The following KIAA1549 variants were observed in gnomAD, a reference collection of about 807,000 sequenced individuals.
KIAA1549 encodes the protein UPF0606 protein KIAA1549.
A neutral mutation model predicts 156.4 loss-of-function variants in KIAA1549; 70 were observed. The ratio of observed to expected loss-of-function variants is 0.45; its 90% CI spans 0.37 to 0.55. The LOEUF is 0.55. KIAA1549 is among the 20% of genes least tolerant of loss of function. The probability of loss-of-function intolerance (pLI) is 0.00; values close to 1 mark genes in which losing one functional copy is unlikely to be tolerated. For synonymous variants in KIAA1549, 1,103 were observed against 1,066.4 expected (o/e 1.03, Z -0.67); for missense variants, 2,428 against 2,540.9 (o/e 0.96, Z 0.96).
intron 6 of KIAA1549, 85 bp downstream of exon 6, chr7:138,906,834 A>G (rs1812017813): frequency 8.7e-7 from 1 of 1,143,948 alleles, no homozygotes; most frequent in African/African-American, 1.6e-5. Flanking sequence ...AGTCTTTTAA[A>G]AAACTAAAAA....
chr7:138,903,836 TGTGTGTGTGTGTGTGTGCGCGC>T (rs1181939853), intron 7 of KIAA1549, 100 bp from the exon 8 acceptor site: 46 of 515,158 alleles, frequency 8.9e-5, no homozygotes, highest in South Asian at 6.1e-4. Context: ...TGTGTGTGTG[TGTGTGTGTGTGTGTGTGCGCGC>T]GCGCGCGCGC....
intron 1 of KIAA1549, among the ~76,000 whole-genome samples, chr7:138,980,809 C>A (rs1814522082): frequency 6.6e-6 from 1 of 152,252 alleles, no homozygotes; most frequent in Admixed American, 6.5e-5. Context: ...ATGAAGCCAC[C>A]AGACCCGCTT....
chr7:138,878,275 G>C (rs1811142772), intron 12 of KIAA1549, among the ~76,000 whole-genome samples: 1 of 151,344 alleles, frequency 6.6e-6, no homozygotes, highest in African/African-American at 2.4e-5. Flanking sequence ...GAGGAGACAA[G>C]GACAGGCTAG....
intron 10 of KIAA1549, among the ~76,000 whole-genome samples, chr7:138,883,195 C>G (rs1443344141): frequency 6.7e-6 from 1 of 148,896 alleles, no homozygotes; most frequent in Non-Finnish European, 1.5e-5. Flanking sequence ...ATCACTTCAA[C>G]CTAGGAGTTG....
At chr7:138,865,331 T>G (rs774099449) in intron 15 of KIAA1549, among the ~76,000 whole-genome samples, 1 of 152,114 alleles carries the variant, frequency 6.6e-6, no homozygotes, top group African/African-American at 2.4e-5. Context: ...ATATTTCTCT[T>G]GGCCTTAGGA....
At position 138,917,627 on chromosome 7, in the gene KIAA1549, C is replaced by G. The variant is rs1298775203; in HGVS notation, c.1999G>C (p.Val667Leu). ...GAGTCAAACAATGTAAATGTCTCAACCAAGGGAGAAAAAGACTGAGATGTG... is the reference window on the plus strand; with the variant it reads ...GAGTCAAACAATGTAAATGTCTCAAGCAAGGGAGAAAAAGACTGAGATGTG... ...PFTSQSFSPL[V>L]ETFTLFDSSD... Residue 667 changes from valine (V) to leucine (L), a missense_variant, in exon 2 of 20, where the codon GTT (valine) becomes CTT (leucine). This residue lies in a region of KIAA1549 where 893 missense variants were observed against 847.9 expected (regional missense o/e 1.05). Transcript: ENST00000422774. 2 of 1,613,688 alleles carry G rather than the reference C, an allele frequency of 1.2e-6. No homozygotes were observed. Among genetic ancestry groups the G allele is most frequent in the Admixed American group, 3.3e-5 (2 of 59,996 alleles).
chr7:138,970,409 C>A (rs1448595465), intron 1 of KIAA1549, among the ~76,000 whole-genome samples: 1 of 152,216 alleles, frequency 6.6e-6, no homozygotes, highest in African/African-American at 2.4e-5. Context: ...ACCAGCTCAG[C>A]TCCGAACCCG....
intron 15 of KIAA1549, among the ~76,000 whole-genome samples, chr7:138,865,610 G>A (rs750175899): frequency 5.3e-5 from 8 of 152,122 alleles, no homozygotes; most frequent in Non-Finnish European, 8.8e-5. Flanking sequence ...TTTAAAAAAG[G>A]AGCCACTGAA....
intron 1 of KIAA1549, among the ~76,000 whole-genome samples, chr7:138,939,337 C>G (rs918894930): frequency 2.0e-5 from 3 of 152,128 alleles, no homozygotes; most frequent in African/African-American, 7.2e-5. Flanking sequence ...TTTTTCACAC[C>G]AGGATCCAAA....
Position 138,892,964 on chromosome 7 carries a change from T to C in KIAA1549, c.4032+1378A>G, listed in dbSNP as rs77829857. ...AGTGCATGTTAATCCAGCAGACTGT[T>C]AGTAACAGTGGACTGACTACCACGT... On this transcript the variant is annotated intron_variant, in intron 10 of 19. Transcript: ENST00000422774. Among the ~76,000 whole-genome samples the C allele has an allele frequency of 6.3e-3, 958 of 152,312 alleles. 10 individuals carry two copies. The highest frequency in any genetic ancestry group is 0.022 in the African/African-American group (922 of 41,574).
At chr7:138,869,816 G>T in intron 13 of KIAA1549, 55 bp from the exon 14 acceptor site, 2 of 1,241,798 alleles carry the variant, frequency 1.6e-6, no homozygotes, top group East Asian at 2.4e-5. Flanking sequence ...GAAGCTTCTG[G>T]GACACACACT....
At chr7:138,916,685 C>T in intron 2 of KIAA1549, 63 bp downstream of exon 2, 1 of 1,584,096 alleles carries the variant, frequency 6.3e-7, no homozygotes, top group Non-Finnish European at 8.6e-7. Flanking sequence ...CTCACAGGCA[C>T]TGCACACAAG....
chr7:138,881,469 T>C lies in KIAA1549; in HGVS notation c.4148A>G (p.Asp1383Gly), dbSNP rs770213038. 6.2e-7 allele frequency: 1 copy of C among 1,614,022 alleles called. No individual in the cohort carries two copies. The highest frequency in any genetic ancestry group is 1.1e-5 in the South Asian group (1 of 91,088). The change falls in exon 11 of 20, where the codon GAC (aspartate) becomes GGC (glycine). Residue 1383 changes from aspartate to glycine, a missense_variant. Coordinates refer to ENST00000422774, the MANE Select transcript of KIAA1549 (RefSeq NM_001164665.2). ...EPAPLPGPLK[D>G]HTTPSENGDV... is the part of the protein sequence containing the mutation. Reference sequence around the variant, plus strand: ...TCCATTTTCCGAGGGCGTGGTGTGGTCCTTCAGAGGTCCTGGCAGTGGCGC... The same window carrying C: ...TCCATTTTCCGAGGGCGTGGTGTGGCCCTTCAGAGGTCCTGGCAGTGGCGC...
intron 9 of KIAA1549, among the ~76,000 whole-genome samples, chr7:138,896,131 C>T (rs955670541): frequency 3.3e-5 from 5 of 152,192 alleles, no homozygotes; most frequent in African/African-American, 7.2e-5. Flanking sequence ...TGAAGTGCTA[C>T]GCTTCTGCAC....
At chr7:138,874,951 C>T (rs1199575685) in intron 12 of KIAA1549, among the ~76,000 whole-genome samples, 1 of 151,866 alleles carries the variant, frequency 6.6e-6, no homozygotes, top group African/African-American at 2.4e-5. Context: ...GCCATGACTG[C>T]ACCACTGCAC....
In KIAA1549 at chr7:138,943,071, T is replaced by A. The variant is rs564283295; in HGVS notation, c.188-23633A>T. Among the ~76,000 whole-genome samples, 5 of 152,326 alleles carry A rather than the reference T, an allele frequency of 3.3e-5. No homozygotes were observed. The East Asian group carries it at 9.6e-4, about 29-fold the overall frequency. On this transcript the variant is annotated intron_variant, in intron 1 of 19. Coordinates refer to ENST00000422774, the MANE Select transcript of KIAA1549 (RefSeq NM_001164665.2). Reference sequence around the variant, plus strand: ...CCAATGTGTGCCCCTGCAGACAGTCTGCCCTCCACCGCGAGGAAGCTAAGG... The same window carrying A: ...CCAATGTGTGCCCCTGCAGACAGTCAGCCCTCCACCGCGAGGAAGCTAAGG...
In KIAA1549 at chr7:138,871,276, C is replaced by T; in HGVS notation, c.4432G>A (p.Ala1478Thr). 1 of 1,610,974 alleles carries T rather than the reference C, an allele frequency of 6.2e-7. No homozygotes were observed. Among genetic ancestry groups the T allele is most frequent in the Non-Finnish European group, 8.5e-7 (1 of 1,178,592 alleles). ...HVDRISRPPEASRRVPSKIQL... is the reference protein window; with the variant it reads ...HVDRISRPPETSRRVPSKIQL... ...ATCTTACTGGGGACCCGCCGGCTAG[C>T]CTCCGGGGGGCGGGAGATCCTGTCC... Residue 1478 changes from alanine (A) to threonine (T), a missense_variant, in exon 13 of 20, where the codon GCT becomes ACT. Transcript: ENST00000422774.
At chr7:138,871,847 C>G (rs976445032) in intron 12 of KIAA1549, among the ~76,000 whole-genome samples, 2 of 152,192 alleles carry the variant, frequency 1.3e-5, no homozygotes, top group South Asian at 2.1e-4. Context: ...AAGACCAGTA[C>G]GTGCAGGCAG....
intron 1 of KIAA1549, among the ~76,000 whole-genome samples, chr7:138,976,137 C>T (rs1187173899): frequency 2.6e-5 from 4 of 152,116 alleles, no homozygotes; most frequent in Non-Finnish European, 4.4e-5. Context: ...AGTGCAGTGG[C>T]GCGATCTCAT....
Sources: allele counts gnomAD v4.1 joint callset (sites outside exome capture counted in the v4.1 genomes callset), GRCh38; gene constraint gnomAD v4.1.1; regional missense constraint gnomAD v4.1.1; transcripts MANE v1.5; gene names NCBI Gene and HGNC (gene_info 2026-07-23, HGNC 2026-07-21).